The following SNAP47 variants were observed in gnomAD, a reference collection of about 807,000 sequenced individuals.
SNAP47 encodes synaptosome associated protein 47.
In SNAP47, 20 loss-of-function variants were observed where a neutral mutation model predicts 31.4. The ratio of observed to expected loss-of-function variants is 0.64; its 90% confidence interval spans 0.45 to 0.93. The LOEUF (loss-of-function observed/expected upper bound fraction) is 0.93, where lower values mean the gene tolerates loss of function less well. SNAP47 is among the 40% of genes least tolerant of loss of function. The pLI is 0.00. For missense variants in SNAP47, 492 were observed against 528.5 expected (o/e 0.93, Z 0.68); for synonymous variants, 194 against 213.4 (o/e 0.91, Z 0.79).
intron 4 of SNAP47, among the ~76,000 whole-genome samples, chr1:227,779,153 G>A (rs1168324961): frequency 6.6e-6 from 1 of 152,204 alleles, no homozygotes; most frequent in African/African-American, 2.4e-5. Flanking sequence ...GTGATCTCAT[G>A]TGAGCCACAC....
chr1:227,775,972 C>G, intron 4 of SNAP47: 1 of 1,270,312 alleles, frequency 7.9e-7, no homozygotes, highest in African/African-American at 1.5e-5. Context: ...GGGCATCCTC[C>G]TCACGGATGT....
intron 4 of SNAP47, chr1:227,776,429 T>C (rs2103000679): frequency 1.0e-6 from 1 of 986,538 alleles, no homozygotes; most frequent in Non-Finnish European, 1.2e-6. Context: ...TCTTTACTCA[T>C]GTAGCAGGGA....
At chr1:227,732,567 C>G (rs1660733082), upstream of SNAP47, 1 of 1,613,382 alleles carries the variant, frequency 6.2e-7, no homozygotes, top group Admixed American at 1.7e-5. Context: ...CAACCCAGCA[C>G]CGTCCTCAGC....
intron 1 of SNAP47, among the ~76,000 whole-genome samples, chr1:227,737,097 A>T (rs573847047): frequency 6.6e-6 from 1 of 152,314 alleles, no homozygotes; most frequent in South Asian, 2.1e-4. Flanking sequence ...GCACAGAGGG[A>T]TCAGGGTACT....
chr1:227,780,908 G>A lies in SNAP47; in HGVS notation c.*235G>A. The A allele has an allele frequency of 3.5e-6, 2 of 578,898 alleles. 1 individual carries two copies. Among genetic ancestry groups the A allele is most frequent in the South Asian group, 4.1e-5 (2 of 48,992 alleles). The allele number at this position is 578,898 out of a possible 1,614,324, so 35.9% of individuals were successfully genotyped here. ...GGACCCGGCCACATGTTCTGCGGAT[G>A]CTGCAGAAGTGTGGACCATGGCGGG... is the stretch of plus-strand genomic sequence containing the variant. On this transcript the variant is annotated 3_prime_UTR_variant, in exon 5 of 5. Transcript: ENST00000617596.
intron 2 of SNAP47, among the ~76,000 whole-genome samples, chr1:227,749,272 C>T (rs926888587): frequency 1.3e-5 from 2 of 151,932 alleles, no homozygotes; most frequent in Admixed American, 1.3e-4. Flanking sequence ...TTACTGGGAC[C>T]CTCAGTTCCT....
At chr1:227,750,599 C>T (rs547953926) in intron 2 of SNAP47, among the ~76,000 whole-genome samples, 20 of 152,312 alleles carry the variant, frequency 1.3e-4, no homozygotes, top group African/African-American at 4.8e-4. Context: ...TGCCTCCGTC[C>T]TGGCTTCTCC....
chr1:227,776,878 A>G, intron 4 of SNAP47: 1 of 985,450 alleles, frequency 1.0e-6, no homozygotes, highest in African/African-American at 1.7e-5. Context: ...TAAGGCCTTC[A>G]ACGTAGTGAG....
chr1:227,732,146 TG>T, upstream of SNAP47: 1 of 581,586 alleles, frequency 1.7e-6, no homozygotes, highest in Non-Finnish European at 3.1e-6. Flanking sequence ...AGCCAGGTCC[TG>T]GCACCATCTC....
upstream of SNAP47, chr1:227,734,899 C>A: frequency 6.4e-7 from 1 of 1,556,146 alleles, no homozygotes; most frequent in Non-Finnish European, 8.8e-7. Flanking sequence ...CTCCAGGGGC[C>A]ACGCGCCTGG....
intron 1 of SNAP47, among the ~76,000 whole-genome samples, chr1:227,729,761 C>T (rs1028794904): frequency 6.6e-6 from 1 of 152,200 alleles, no homozygotes; most frequent in African/African-American, 2.4e-5. Context: ...CTCCTGTCTC[C>T]ACCTCCATGG....
intron 4 of SNAP47, among the ~76,000 whole-genome samples, chr1:227,777,995 T>C (rs1205980881): frequency 2.0e-5 from 3 of 152,206 alleles, no homozygotes; most frequent in Admixed American, 2.0e-4. Flanking sequence ...ACATTGCATA[T>C]CCAATAACTC....
intron 4 of SNAP47, among the ~76,000 whole-genome samples, 183 bp from the exon 5 acceptor site, chr1:227,780,344 T>TGGCAGA (rs1288158718): frequency 6.6e-6 from 1 of 152,224 alleles, no homozygotes; most frequent in Non-Finnish European, 1.5e-5. Context: ...AGGCCTGTAC[T>TGGCAGA]GGCAGAGGCA....
chr1:227,729,800 G>C (rs1660524057), intron 1 of SNAP47, among the ~76,000 whole-genome samples: 1 of 152,190 alleles, frequency 6.6e-6, no homozygotes, highest in South Asian at 2.1e-4. Flanking sequence ...TGCAAGCCCA[G>C]GGCAGGGCAG....
chr1:227,777,394 G>A (rs1337210413), intron 4 of SNAP47, among the ~76,000 whole-genome samples: 13 of 152,130 alleles, frequency 8.5e-5, no homozygotes, highest in African/African-American at 2.9e-4. Flanking sequence ...ATAGTGAACG[G>A]GAGTGTGGGG....
intron 3 of SNAP47, among the ~76,000 whole-genome samples, chr1:227,766,536 T>C (rs1353061410): frequency 6.6e-6 from 1 of 152,206 alleles, no homozygotes; most frequent in Non-Finnish European, 1.5e-5. Flanking sequence ...TGGCAGTGCT[T>C]GGCCTGGGCT....
At chr1:227,776,087 C>T (rs1239096728) in intron 4 of SNAP47, 16 of 1,182,844 alleles carry the variant, frequency 1.4e-5, no homozygotes, top group Non-Finnish European at 1.7e-5. Context: ...GTGCCTCTTG[C>T]TGCCTGCCTG....
intron 1 of SNAP47, among the ~76,000 whole-genome samples, chr1:227,735,929 A>G (rs1481603941): frequency 8.3e-6 from 1 of 119,906 alleles, no homozygotes; most frequent in African/African-American, 3.3e-5. Flanking sequence ...TCTGGAGGGG[A>G]TGGGTACAGT....
At position 227,763,126 on chromosome 1, in the gene SNAP47, T is replaced by A. The variant is rs1271183506; in HGVS notation, c.988+3641T>A. 1.3e-5 allele frequency among the ~76,000 whole-genome samples: 2 copies of A among 151,732 alleles called. No homozygotes were observed. The highest frequency in any genetic ancestry group is 2.9e-5 in the Non-Finnish European group (2 of 67,918). Reference sequence around the variant, plus strand: ...CACATATCACCATGCCCAGCTAATTTTTTTTTTTTTTAATTATGGGGTCTT... The same window carrying A: ...CACATATCACCATGCCCAGCTAATTATTTTTTTTTTTAATTATGGGGTCTT... On this transcript the variant is annotated intron_variant, in intron 3 of 4. Transcript: ENST00000617596. This position sits in a 1 kb window ranked among gnomAD's most constrained non-coding sequence, Gnocchi z 4.2.
Sources: gnomAD v4.1 joint callset for allele counts (sites outside exome capture counted in the v4.1 genomes callset) on GRCh38, gnomAD v4.1.1 for gene constraint, Gnocchi (gnomAD v3.1) non-coding constraint, MANE v1.5 for transcripts, NCBI Gene and HGNC (gene_info 2026-07-23, HGNC 2026-07-21) for gene names.